ADRA1B: variants seen among roughly 807,000 people sequenced by gnomAD.
ADRA1B encodes adrenoceptor alpha 1B.
A neutral mutation model predicts 17.9 loss-of-function variants in ADRA1B; 17 were observed. The ratio of observed to expected loss-of-function variants is 0.95; its 90% CI spans 0.65 to 1.42. ADRA1B has a LOEUF of 1.42. ADRA1B is among the 40% of genes most tolerant of loss of function. The pLI is 0.00. For synonymous variants in ADRA1B, 366 were observed against 327.6 expected, an observed-to-expected ratio of 1.12 and a Z score of -1.27; for missense variants, 681 against 722.1, an observed-to-expected ratio of 0.94 and a Z score of 0.65.
chr5:159,926,893 AT>A (rs1371733803), intron 1 of ADRA1B, among the ~76,000 whole-genome samples: 1 of 148,200 alleles, frequency 6.7e-6, no homozygotes, highest in Non-Finnish European at 1.5e-5. Context: ...TCTCAAAAAT[AT>A]TAAATTAAAT....
intron 1 of ADRA1B, among the ~76,000 whole-genome samples, chr5:159,866,283 G>A (rs1371350831): frequency 7.0e-6 from 1 of 143,768 alleles, no homozygotes; most frequent in Non-Finnish European, 1.5e-5. Context: ...TTCAGCCTGG[G>A]CAACATAGTG....
At chr5:159,883,894 T>C (rs1035601713) in intron 1 of ADRA1B, among the ~76,000 whole-genome samples, 6 of 151,920 alleles carry the variant, frequency 3.9e-5, no homozygotes, top group Admixed American at 6.5e-5. Flanking sequence ...CTAACCTGAC[T>C]GTTGGAAGGA....
chr5:159,902,128 T>C (rs918526617), intron 1 of ADRA1B, among the ~76,000 whole-genome samples: 1 of 143,324 alleles, frequency 7.0e-6, no homozygotes, highest in Non-Finnish European at 1.6e-5. Context: ...ATGTGATATA[T>C]ACACTATATA....
intron 1 of ADRA1B, among the ~76,000 whole-genome samples, chr5:159,895,714 G>A (rs187321516): frequency 6.6e-6 from 1 of 152,326 alleles, no homozygotes; most frequent in African/African-American, 2.4e-5. Context: ...GCATTCCAAA[G>A]CTCTCTGCAG....
At chr5:159,933,962 A>G (rs1019869202) in intron 1 of ADRA1B, among the ~76,000 whole-genome samples, 3 of 152,060 alleles carry the variant, frequency 2.0e-5, no homozygotes, top group African/African-American at 7.2e-5. Flanking sequence ...GAGGGAATGC[A>G]GTAGACAGCG....
intron 1 of ADRA1B, among the ~76,000 whole-genome samples, chr5:159,923,111 G>A (rs1015813719): frequency 5.3e-5 from 8 of 152,278 alleles, no homozygotes; most frequent in Non-Finnish European, 1.0e-4. Flanking sequence ...AGGCCAGAGA[G>A]AGTGGAGAAC....
At chr5:159,876,617 C>T (rs754847961) in intron 1 of ADRA1B, among the ~76,000 whole-genome samples, 1 of 152,264 alleles carries the variant, frequency 6.6e-6, no homozygotes, top group Non-Finnish European at 1.5e-5. Flanking sequence ...GCTGCAGATA[C>T]AGTTCTGTGA....
intron 1 of ADRA1B, among the ~76,000 whole-genome samples, chr5:159,927,261 G>A (rs901279032): frequency 6.6e-6 from 1 of 152,092 alleles, no homozygotes; most frequent in Non-Finnish European, 1.5e-5. Flanking sequence ...GGTCAGAGTT[G>A]ATCCCTGCAG....
chr5:159,887,113 C>G (rs1753933573), intron 1 of ADRA1B, among the ~76,000 whole-genome samples: 1 of 152,140 alleles, frequency 6.6e-6, no homozygotes, highest in Admixed American at 6.5e-5. Flanking sequence ...AACTCTCTGC[C>G]TCAATTTTGC....
chr5:159,910,831 C>G (rs562706359), intron 1 of ADRA1B, among the ~76,000 whole-genome samples: 5 of 152,172 alleles, frequency 3.3e-5, no homozygotes, highest in Non-Finnish European at 7.3e-5. Context: ...CCAGAGGGAC[C>G]AAGGCCCTGA....
intron 1 of ADRA1B, among the ~76,000 whole-genome samples, chr5:159,969,660 G>A (rs1194777048): frequency 6.6e-6 from 1 of 152,190 alleles, no homozygotes; most frequent in Non-Finnish European, 1.5e-5. Flanking sequence ...CCAGGCCCTT[G>A]GGAAGCTCAG....
In ADRA1B at chr5:159,965,567, G is replaced by C. The variant is rs529515654; in HGVS notation, c.950-6312G>C. ...TCCTCTTACATGCCTAACAGGCTTA[G>C]CATCTTGTTACTTAACGACAGCTTC... On this transcript the variant is annotated intron_variant, in intron 1 of 1. Coordinates refer to ENST00000306675, the MANE Select transcript of ADRA1B (RefSeq NM_000679.4). Among the ~76,000 whole-genome samples the C allele has an allele frequency of 8.7e-4, 132 of 152,352 alleles. 4 individuals are homozygous for C. In the South Asian group the frequency reaches 0.025, roughly 29 times the overall value.
At chr5:159,947,762 A>G (rs1755317404) in intron 1 of ADRA1B, 2 of 985,308 alleles carry the variant, frequency 2.0e-6, no homozygotes, top group African/African-American at 3.5e-5. Flanking sequence ...AATGAGCACA[A>G]TTTAAATCTC....
At chr5:159,935,797 T>G (rs1277837039) in intron 1 of ADRA1B, among the ~76,000 whole-genome samples, 1 of 152,250 alleles carries the variant, frequency 6.6e-6, no homozygotes, top group Non-Finnish European at 1.5e-5. Context: ...TCCGCTCGCC[T>G]CAGCCTCCCA....
chr5:159,910,898 G>A lies in ADRA1B; in HGVS notation c.-255-5221G>A, dbSNP rs75761962. ...GTATTTTTTGCTGTTTTTTTGTTTT[G>A]CTTTGTCTTTTGTTTTTTGCAGTTT... On this transcript the variant is annotated intron_variant, in intron 1 of 2. Coordinates refer to the ADRA1B transcript ENST00000641205. 2.5e-4 allele frequency among the ~76,000 whole-genome samples: 38 copies of A among 152,140 alleles called. No homozygotes were observed. The East Asian group carries it at 7.1e-3, about 29-fold the overall frequency.
At chr5:159,978,537 C>T in the ADRA1B span, among the ~76,000 whole-genome samples, 3 of 152,196 alleles carry the variant, frequency 2.0e-5, no homozygotes, top group Non-Finnish European at 4.4e-5. Flanking sequence ...AAGTCCCTGG[C>T]CCTCTCTAGG....
intron 1 of ADRA1B, chr5:159,955,003 G>C (rs1755524853): frequency 2.8e-6 from 1 of 356,952 alleles, no homozygotes; most frequent in Admixed American, 6.4e-5. Flanking sequence ...CCTAGACTGA[G>C]AAGCAAGATA....
chr5:159,950,676 G>A (rs781372029), intron 1 of ADRA1B: 49 of 729,416 alleles, frequency 6.7e-5, no homozygotes, highest in East Asian at 1.3e-4. Flanking sequence ...GCTCAGTGTC[G>A]CCCCAGATGC....
chr5:159,871,317 G>T (rs964400680), intron 1 of ADRA1B: 1 of 152,206 alleles, frequency 6.6e-6, no homozygotes, highest in Non-Finnish European at 1.5e-5. Context: ...ATAACTGGAA[G>T]TTGGGGTCTA....
Sources: gnomAD v4.1 joint callset for allele counts (sites outside exome capture counted in the v4.1 genomes callset) on GRCh38, gnomAD v4.1.1 for gene constraint, MANE v1.5 for transcripts, NCBI Gene and HGNC (gene_info 2026-07-23, HGNC 2026-07-21) for gene names.